KIF21A: variants seen among roughly 807,000 people sequenced by gnomAD.
The protein encoded by KIF21A is kinesin family member 21A.
In KIF21A, 114 loss-of-function variants were observed where a neutral mutation model predicts 202.9. That is an observed-to-expected ratio of 0.56 (90% confidence interval 0.48 to 0.66). The LOEUF is 0.66. Ranked by LOEUF, KIF21A falls within the 30% of genes least tolerant of loss-of-function variation. The pLI, the probability that KIF21A is intolerant of heterozygous loss-of-function variation, is 0.00. For synonymous variants in KIF21A, 667 were observed against 670.8 expected, an observed-to-expected ratio of 0.99 and a Z score of 0.09; for missense variants, 1,677 against 1,994.9, an observed-to-expected ratio of 0.84 and a Z score of 3.04.
intron 1 of KIF21A, among the ~76,000 whole-genome samples, chr12:39,376,404 A>G (rs754155732): frequency 5.3e-5 from 8 of 152,118 alleles, no homozygotes; most frequent in Non-Finnish European, 8.8e-5. Flanking sequence ...TAATATTATT[A>G]TCATTTTTTA....
At chr12:39,431,598 T>A (rs1937916921) in intron 1 of KIF21A, among the ~76,000 whole-genome samples, 1 of 152,132 alleles carries the variant, frequency 6.6e-6, no homozygotes, top group Non-Finnish European at 1.5e-5. Flanking sequence ...AAGGCTGAGT[T>A]TGTCCACTTG....
Position 39,297,813 on chromosome 12 carries a change from C to G in KIF21A, c.4932-3296G>C, listed in dbSNP as rs528666613. 6.7e-5 allele frequency among the ~76,000 whole-genome samples: 10 copies of G among 150,120 alleles called. No homozygotes were observed. The South Asian group carries it at 1.7e-3, about 25-fold the overall frequency. On this transcript the variant is annotated intron_variant, in intron 37 of 37. Transcript: ENST00000361418. The stretch of plus-strand genomic sequence containing the variant: ...AACAAGAAAACCCCACCCTTAGACA[C>G]ACATATACCATTTTATTCTAGTTTG...
intron 11 of KIF21A, among the ~76,000 whole-genome samples, chr12:39,350,320 T>G (rs1428437890): frequency 6.6e-6 from 1 of 152,034 alleles, no homozygotes; most frequent in Admixed American, 6.6e-5. Flanking sequence ...TTAGTCATAT[T>G]CAACAGGTGA....
intron 1 of KIF21A, among the ~76,000 whole-genome samples, chr12:39,436,210 T>C (rs1002915603): frequency 6.6e-6 from 1 of 151,734 alleles, no homozygotes; most frequent in Non-Finnish European, 1.5e-5. Context: ...TTCTTCGATG[T>C]ATGTTAGCAA....
Position 39,354,349 on chromosome 12 carries a change from G to A in KIF21A, c.1470-2369C>T, listed in dbSNP as rs531782102. Among the ~76,000 whole-genome samples, 106 of 152,152 alleles carry A rather than the reference G, an allele frequency of 7.0e-4. 2 individuals carry two copies. In the Middle Eastern group the frequency reaches 0.017, roughly 24 times the overall value. ...AATAGATAGCAAAACAAAATATACA[G>A]TCTGGTGTCATTTACGTTAAAGTAT... On this transcript the variant is annotated intron_variant, in intron 10 of 37. Transcript: ENST00000361418.
At chr12:39,357,731 G>A (rs1233964296) in intron 8 of KIF21A, among the ~76,000 whole-genome samples, 4 of 151,352 alleles carry the variant, frequency 2.6e-5, no homozygotes, top group Non-Finnish European at 5.9e-5. Context: ...CCAACGTGGT[G>A]AAACCCCATC....
In KIF21A at chr12:39,303,222, T is replaced by C. The variant is rs1465868901; in HGVS notation, c.4561-87A>G. 3.7e-6 allele frequency: 4 copies of C among 1,086,482 alleles called. No homozygotes were observed. In the South Asian group the frequency reaches 5.2e-5, roughly 14 times the overall value. The allele number at this position is 1,086,482 out of a possible 1,614,324, so 67.3% of individuals were successfully genotyped here. A position where few individuals can be genotyped will look rare whatever the true frequency, so the allele number is the denominator to read the frequency against. ...ACAGTCCTAGAAACACATACACATG[T>C]ATGTTAATCAGACATGACTTGTTTT... On this transcript the variant is annotated intron_variant, in intron 35 of 37. Transcript: ENST00000361418.
Position 39,320,020 on chromosome 12 carries a change from T to A in KIF21A, c.3672-7A>T, listed in dbSNP as rs752709886. The A allele has an allele frequency of 6.6e-7, 1 of 1,505,330 alleles. No individual in the cohort carries two copies. 93.2% of individuals were successfully genotyped at this position (1,505,330 alleles called of 1,614,324 possible). Reference sequence around the variant, plus strand: ...TAGAGATGACTGCCTGGAACTAAAGTAAAAGAAGATTCTTTAATTACCTAA... The same window carrying A: ...TAGAGATGACTGCCTGGAACTAAAGAAAAAGAAGATTCTTTAATTACCTAA... On this transcript the variant is annotated splice_region_variant and splice_polypyrimidine_tract_variant and intron_variant, in intron 27 of 37. Transcript: ENST00000361418.
At chr12:39,358,105 AAGGCATT>A in intron 8 of KIF21A, 66 bp downstream of exon 8, 1 of 1,233,464 alleles carries the variant, frequency 8.1e-7, no homozygotes, top group Non-Finnish European at 1.2e-6. Context: ...ACGTATGTGT[AAGGCATT>A]ATTGTGTTCA....
intron 1 of KIF21A, among the ~76,000 whole-genome samples, chr12:39,433,556 A>C (rs2140387239): frequency 6.6e-6 from 1 of 152,328 alleles, no homozygotes; most frequent in East Asian, 1.9e-4. Flanking sequence ...CTAATTCAGA[A>C]GGAAAATTCA....
Position 39,319,893 on chromosome 12 carries a change from A to G in KIF21A, c.3779+13T>C. On this transcript the variant is annotated intron_variant, in intron 28 of 37. Coordinates refer to ENST00000361418, the MANE Select transcript of KIF21A (RefSeq NM_001173464.2). ...TAATACAGTCTAGCAGGTAAAAAAC[A>G]TTAGTCACTTACTGCTTTTGTTCCT... is the stretch of plus-strand genomic sequence containing the variant. 1 of 1,479,672 alleles carries G rather than the reference A, an allele frequency of 6.8e-7. No homozygotes were observed. Among genetic ancestry groups the G allele is most frequent in the South Asian group, 1.1e-5 (1 of 87,060 alleles). 91.7% of individuals were successfully genotyped at this position (1,479,672 alleles called of 1,614,324 possible). A position where few individuals can be genotyped will look rare whatever the true frequency, so the allele number is the denominator to read the frequency against.
intron 1 of KIF21A, among the ~76,000 whole-genome samples, chr12:39,414,151 T>C (rs1339125083): frequency 6.6e-6 from 1 of 152,242 alleles, no homozygotes; most frequent in African/African-American, 2.4e-5. Flanking sequence ...AATCATTCTA[T>C]ATACTTGAGA....
intron 26 of KIF21A, 57 bp from the exon 27 acceptor site, chr12:39,322,939 T>C: frequency 7.6e-7 from 1 of 1,307,484 alleles, no homozygotes; most frequent in Non-Finnish European, 1.1e-6. Flanking sequence ...TAGAAGCTGA[T>C]TAGAGAACAG....
chr12:39,331,698 T>C lies in KIF21A; in HGVS notation c.3145A>G (p.Ile1049Val), dbSNP rs1263931298. 1 of 1,607,926 alleles carries C rather than the reference T, an allele frequency of 6.2e-7. No individual in the cohort carries two copies. Among genetic ancestry groups the C allele is most frequent in the Admixed American group, 1.7e-5 (1 of 60,022 alleles). ...YLLDHFLSMG[I>V]NKGLQAAQKE... Reference sequence around the variant, plus strand: ...GTGTGGTTGTATCTTACCTTATTGATGCCCATTGACAGGAAGTGATCTAGC... The same window carrying C: ...GTGTGGTTGTATCTTACCTTATTGACGCCCATTGACAGGAAGTGATCTAGC... Residue 1049 changes from isoleucine (I) to valine (V), a missense_variant, in exon 22 of 38, where the codon ATC becomes GTC. Physicochemically the swap from Ile to Val is conservative, Grantham distance 29. Transcript: ENST00000361418.
chr12:39,402,164 A>T (rs1187777003), intron 1 of KIF21A, among the ~76,000 whole-genome samples: 3 of 152,220 alleles, frequency 2.0e-5, no homozygotes, highest in Non-Finnish European at 4.4e-5. Flanking sequence ...AATTTTATAC[A>T]ATTAGGAAGA....
At chr12:39,311,712 T>C (rs1217612350) in intron 31 of KIF21A, 159 bp from the exon 32 acceptor site, 1 of 708,918 alleles carries the variant, frequency 1.4e-6, no homozygotes, top group African/African-American at 1.8e-5. Flanking sequence ...GGACAAAGTG[T>C]GAAATAATAA....
At chr12:39,439,093 T>C (rs1186013141) in intron 1 of KIF21A, among the ~76,000 whole-genome samples, 1 of 152,110 alleles carries the variant, frequency 6.6e-6, no homozygotes, top group Non-Finnish European at 1.5e-5. Context: ...GGAAAAAAAG[T>C]GTTGCTGTTG....
intron 1 of KIF21A, among the ~76,000 whole-genome samples, chr12:39,381,557 A>G (rs1020353612): frequency 3.3e-5 from 5 of 152,198 alleles, no homozygotes; most frequent in African/African-American, 1.2e-4. Context: ...AATTTTTACC[A>G]TCAAGGAAAA....
chr12:39,329,192 C>A (rs1443948363), intron 24 of KIF21A, among the ~76,000 whole-genome samples: 1 of 152,136 alleles, frequency 6.6e-6, no homozygotes, highest in Admixed American at 6.5e-5. Flanking sequence ...TAGAGAGAGC[C>A]CCAGTCCCTA....
Sources: allele counts gnomAD v4.1 joint callset (sites outside exome capture counted in the v4.1 genomes callset), GRCh38; gene constraint gnomAD v4.1.1; transcripts MANE v1.5; gene names NCBI Gene and HGNC (gene_info 2026-07-23, HGNC 2026-07-21).